XPO4: variants seen among roughly 807,000 people sequenced by gnomAD.
XPO4 encodes exportin 4.
A neutral mutation model predicts 143.0 loss-of-function variants in XPO4; 39 were observed. The ratio of observed to expected loss-of-function variants is 0.27; its 90% CI spans 0.21 to 0.36. The LOEUF is 0.36. Among genes scored for constraint, XPO4 ranks in the 10% least tolerant of loss-of-function variants. The pLI, the probability that XPO4 is intolerant of heterozygous loss-of-function variation, is 1.00. For synonymous variants in XPO4, 439 were observed against 474.0 expected (o/e 0.93, Z 0.96); for missense variants, 907 against 1,348.0 (o/e 0.67, Z 5.12).
chr13:20,822,359 G>C (rs1453864945), intron 7 of XPO4, 70 bp from the exon 8 acceptor site: 1 of 1,355,546 alleles, frequency 7.4e-7, no homozygotes, highest in African/African-American at 1.5e-5. Flanking sequence ...CTACCATGCC[G>C]AATGAGGTAA....
intron 18 of XPO4, among the ~76,000 whole-genome samples, chr13:20,794,245 C>T (rs1355468487): frequency 6.6e-6 from 1 of 152,074 alleles, no homozygotes; most frequent in East Asian, 1.9e-4. Context: ...GGTAGTATGT[C>T]AGAAACAACT....
At chr13:20,849,090 T>A (rs1463971785) in intron 4 of XPO4, 13 of 985,386 alleles carry the variant, frequency 1.3e-5, no homozygotes, top group South Asian at 9.4e-5. Flanking sequence ...CCCAAGATAC[T>A]CAAACACTAA....
intron 7 of XPO4, 125 bp from the exon 8 acceptor site, chr13:20,822,414 T>G: frequency 1.1e-5 from 9 of 802,462 alleles, no homozygotes; most frequent in Non-Finnish European, 1.5e-5. Flanking sequence ...AATTAATTCC[T>G]GAATTAAACT....
chr13:20,787,760 A>T (rs1004062005), intron 20 of XPO4, among the ~76,000 whole-genome samples, 162 bp from the exon 21 acceptor site: 2 of 152,268 alleles, frequency 1.3e-5, no homozygotes, highest in Admixed American at 1.3e-4. Context: ...TAAGGAAAGA[A>T]GATTTCCAGT....
At chr13:20,868,074 TA>T (rs374005971) in intron 2 of XPO4, among the ~76,000 whole-genome samples, 7 of 151,924 alleles carry the variant, frequency 4.6e-5, no homozygotes, top group African/African-American at 7.3e-5. Context: ...TTGACAAAAG[TA>T]AAAATCAGTG....
At chr13:20,835,487 C>G (rs563972228) in intron 6 of XPO4, among the ~76,000 whole-genome samples, 2 of 152,260 alleles carry the variant, frequency 1.3e-5, no homozygotes, top group South Asian at 4.1e-4. Context: ...ACAGGGCTGC[C>G]TACCTCAACC....
At chr13:20,858,832 T>C (rs956774049) in intron 3 of XPO4, among the ~76,000 whole-genome samples, 1 of 151,416 alleles carries the variant, frequency 6.6e-6, no homozygotes, top group African/African-American at 2.4e-5. Flanking sequence ...GATTGCGCCA[T>C]TGCACTCTAG....
chr13:20,873,032 C>T (rs888287945), intron 1 of XPO4, among the ~76,000 whole-genome samples: 2 of 150,112 alleles, frequency 1.3e-5, no homozygotes, highest in African/African-American at 4.9e-5. Context: ...GAGATGGAAT[C>T]CCATAAATCA....
chr13:20,787,832 T>C (rs2059226439), intron 20 of XPO4, among the ~76,000 whole-genome samples: 1 of 152,108 alleles, frequency 6.6e-6, no homozygotes, highest in South Asian at 2.1e-4. Flanking sequence ...CTTGTTTCAG[T>C]TTACGATACA....
intron 6 of XPO4, among the ~76,000 whole-genome samples, chr13:20,831,895 A>T (rs1203600516): frequency 6.7e-6 from 1 of 150,026 alleles, no homozygotes; most frequent in African/African-American, 2.5e-5. Context: ...CCAATTCTGA[A>T]GTGCTAAAAC....
chr13:20,828,493 C>CT (rs369907754), intron 6 of XPO4, among the ~76,000 whole-genome samples: 8 of 151,870 alleles, frequency 5.3e-5, no homozygotes, highest in African/African-American at 7.3e-5. Flanking sequence ...GCTCTGGAAA[C>CT]TTTTTTTTAA....
intron 1 of XPO4, chr13:20,879,075 G>A (rs2060381445): frequency 1.0e-6 from 1 of 969,624 alleles, no homozygotes; most frequent in Non-Finnish European, 1.2e-6. Flanking sequence ...GGGATCCAAA[G>A]ATGAATGCAA....
Position 20,777,925 on chromosome 13 carries a change from C to T in XPO4, c.*5797G>A, listed in dbSNP as rs1318021586. The T allele has an allele frequency of 6.6e-6, 1 of 152,158 alleles. No individual in the cohort carries two copies. Among genetic ancestry groups the T allele is most frequent in the Non-Finnish European group, 1.5e-5 (1 of 68,032 alleles). The allele number at this position is 152,158 out of a possible 1,614,324, so 9.4% of individuals were successfully genotyped here. On this transcript the variant is annotated 3_prime_UTR_variant, in exon 23 of 23. Coordinates refer to ENST00000255305, the MANE Select transcript of XPO4 (RefSeq NM_022459.5). ...GCAAAAGATTCTTTCATTAGTTTCA[C>T]CAAATATACCATTTCCACTTAGTTT...
At chr13:20,823,610 C>G (rs867757676) in intron 7 of XPO4, among the ~76,000 whole-genome samples, 31 of 151,326 alleles carry the variant, frequency 2.0e-4, no homozygotes, top group African/African-American at 5.8e-4. Context: ...GGGGGGAAAC[C>G]AATAAAAATA....
Position 20,781,794 on chromosome 13 carries a change from G to A in XPO4, c.*1928C>T, listed in dbSNP as rs939141124. On this transcript the variant is annotated 3_prime_UTR_variant, in exon 23 of 23. Transcript: ENST00000255305. ...ACACAGATACACATAATTCACAACA[G>A]CTGAGAAAGCTTGAGGGATCTGGGA... The A allele has an allele frequency of 1.3e-5, 2 of 152,024 alleles. No homozygotes were observed. 9.4% of individuals were successfully genotyped at this position (152,024 alleles called of 1,614,324 possible).
chr13:20,896,136 C>A (rs951876098), intron 1 of XPO4, among the ~76,000 whole-genome samples: 1 of 152,172 alleles, frequency 6.6e-6, no homozygotes, highest in African/African-American at 2.4e-5. Flanking sequence ...ACTTTCTATT[C>A]TTTTCCTATG....
At chr13:20,822,357 C>G in intron 7 of XPO4, 68 bp from the exon 8 acceptor site, 1 of 1,373,272 alleles carries the variant, frequency 7.3e-7, no homozygotes, top group Non-Finnish European at 9.8e-7. Context: ...GTCTACCATG[C>G]CGAATGAGGT....
Position 20,799,120 on chromosome 13 carries a change from CAG to C in XPO4, c.2322+43_2322+44del, listed in dbSNP as rs759633368. The C allele has an allele frequency of 2.7e-6, 4 of 1,507,298 alleles. No homozygotes were observed. In the African/African-American group the frequency reaches 5.5e-5, roughly 21 times the overall value. The allele number at this position is 1,507,298 out of a possible 1,614,324, so 93.4% of individuals were successfully genotyped here. A position where few individuals can be genotyped will look rare whatever the true frequency, so the allele number is the denominator to read the frequency against. ...CGGCAACGCATAGATAAAGGAACTACAGAGTTACACAAAAGGGTGCAATCAAA... is the reference window on the plus strand; with the variant it reads ...CGGCAACGCATAGATAAAGGAACTACAGTTACACAAAAGGGTGCAATCAAA... On this transcript the variant is annotated intron_variant, in intron 16 of 22. Transcript: ENST00000255305.
At chr13:20,800,731 A>G in intron 14 of XPO4, 100 bp downstream of exon 14, 1 of 1,433,912 alleles carries the variant, frequency 7.0e-7, no homozygotes, top group South Asian at 1.3e-5. Context: ...CTGCTCTTAA[A>G]CAGTTCTATT....
Sources: allele counts gnomAD v4.1 joint callset (sites outside exome capture counted in the v4.1 genomes callset), GRCh38; gene constraint gnomAD v4.1.1; transcripts MANE v1.5; gene names NCBI Gene and HGNC (gene_info 2026-07-23, HGNC 2026-07-21).